Variants in LIPC observed in about 807,000 individuals in gnomAD.
The protein encoded by LIPC is hepatic triacylglycerol lipase.
Under a neutral mutation model 50.7 loss-of-function variants are expected in LIPC, and 44 were observed. That is an observed-to-expected ratio of 0.87 (90% confidence interval 0.68 to 1.11). LIPC has a LOEUF of 1.11. Among genes scored for constraint, LIPC ranks in the 50% most tolerant of loss-of-function variants. The pLI is 0.00. For synonymous variants in LIPC, 271 were observed against 256.4 expected, an observed-to-expected ratio of 1.06 and a Z score of -0.54; for missense variants, 697 against 648.2, an observed-to-expected ratio of 1.08 and a Z score of -0.82.
At chr15:58,463,165 T>A (rs62001834) in intron 1 of LIPC, among the ~76,000 whole-genome samples, 7,647 of 152,278 alleles carry the variant, frequency 0.05, 291 homozygotes, top group Non-Finnish European at 0.076. Context: ...CACGTTGGGA[T>A]GGTGTTTGCC....
chr15:58,541,914 C>A lies in LIPC; in HGVS notation c.403C>A (p.Arg135Ser). 1 of 1,611,824 alleles carries A rather than the reference C, an allele frequency of 6.2e-7. No homozygotes were observed. Among genetic ancestry groups the A allele is most frequent in the South Asian group, 1.1e-5 (1 of 90,928 alleles). ...CCACGACCACTACACCATCGCCGTC[C>A]GCAACACCCGCCTTGTGGGCAAGGA... ...LAHDHYTIAV[R>S]NTRLVGKEVA... Residue 135 changes from arginine (R) to serine (S), a missense_variant, in exon 3 of 9, where the codon CGC becomes AGC. Physicochemically the swap from Arg to Ser is moderately radical, Grantham distance 110. Transcript: ENST00000299022.
intron 1 of LIPC, among the ~76,000 whole-genome samples, chr15:58,500,033 G>A (rs1185298228): frequency 6.6e-6 from 1 of 152,144 alleles, no homozygotes; most frequent in Non-Finnish European, 1.5e-5. Flanking sequence ...GCAGAGACAG[G>A]ACAAAGTAAA....
chr15:58,499,407 CAGGCCCTAAACT>C (rs1891893641), intron 1 of LIPC, among the ~76,000 whole-genome samples: 1 of 152,206 alleles, frequency 6.6e-6, no homozygotes, highest in Non-Finnish European at 1.5e-5. Context: ...TCCAATCTCC[CAGGCCCTAAACT>C]AGGATTCTTT....
At chr15:58,501,165 T>C (rs1384074241) in intron 1 of LIPC, among the ~76,000 whole-genome samples, 1 of 152,068 alleles carries the variant, frequency 6.6e-6, no homozygotes, top group Non-Finnish European at 1.5e-5. Flanking sequence ...TCTGCGTCTC[T>C]ACAACCGCAC....
intron 5 of LIPC, among the ~76,000 whole-genome samples, chr15:58,547,809 A>C (rs1178496011): frequency 6.6e-6 from 1 of 152,020 alleles, no homozygotes. Context: ...CAAGGTAGAC[A>C]TTGTCGAGAG....
intron 1 of LIPC, among the ~76,000 whole-genome samples, chr15:58,504,274 C>T (rs1475947228): frequency 6.6e-6 from 1 of 152,224 alleles, no homozygotes; most frequent in Non-Finnish European, 1.5e-5. Flanking sequence ...GGAAAATAAA[C>T]AGGCTGTTGT....
chr15:58,563,842 G>C (rs1894262114), intron 8 of LIPC, 119 bp downstream of exon 8: 16 of 850,696 alleles, frequency 1.9e-5, no homozygotes, highest in Non-Finnish European at 2.7e-5. Context: ...CCTAGTGATG[G>C]AGTACAGAAG....
intron 1 of LIPC, among the ~76,000 whole-genome samples, chr15:58,462,311 G>C (rs1566915653): frequency 6.6e-6 from 1 of 152,318 alleles, no homozygotes; most frequent in African/African-American, 2.4e-5. Context: ...ATGATTGATT[G>C]ATTGGATCAA....
intron 8 of LIPC, chr15:58,566,022 G>A: frequency 2.0e-6 from 2 of 985,044 alleles, no homozygotes; most frequent in Non-Finnish European, 1.2e-6. Flanking sequence ...TCCATCCCAG[G>A]GCTTCTCAAA....
intron 6 of LIPC, among the ~76,000 whole-genome samples, chr15:58,558,417 G>C (rs1280236009): frequency 6.6e-6 from 1 of 152,110 alleles, no homozygotes; most frequent in Non-Finnish European, 1.5e-5. Context: ...TGTCTTGAGG[G>C]CATCACATTG....
At position 58,530,365 on chromosome 15, in the gene LIPC, C is replaced by G. The variant is rs1447779071; in HGVS notation, c.89-7968C>G. Reference sequence around the variant, plus strand: ...TTCAAAGTCAGTCCTGGAGTTATGTCTGCCAATTGACCCCAACCTCCAGAA... The same window carrying G: ...TTCAAAGTCAGTCCTGGAGTTATGTGTGCCAATTGACCCCAACCTCCAGAA... On this transcript the variant is annotated intron_variant, in intron 1 of 8. Coordinates refer to ENST00000299022, the MANE Select transcript of LIPC (RefSeq NM_000236.3). Among the ~76,000 whole-genome samples, 18 of 152,242 alleles carry G rather than the reference C, an allele frequency of 1.2e-4. 1 individual carries two copies. The highest frequency in any genetic ancestry group is 1.2e-3 in the Admixed American group (18 of 15,282).
At chr15:58,566,203 G>A (rs1453701683) in intron 8 of LIPC, 22 of 985,238 alleles carry the variant, frequency 2.2e-5, no homozygotes, top group Admixed American at 1.2e-4. Flanking sequence ...TACACAACCC[G>A]GGAAGTGTAA....
At chr15:58,476,652 G>A (rs1367496002) in intron 1 of LIPC, among the ~76,000 whole-genome samples, 1 of 152,222 alleles carries the variant, frequency 6.6e-6, no homozygotes, top group Non-Finnish European at 1.5e-5. Flanking sequence ...TGGTGCCACA[G>A]AAAAAACGTG....
At chr15:58,554,667 G>A (rs1433896500) in intron 6 of LIPC, among the ~76,000 whole-genome samples, 1 of 152,030 alleles carries the variant, frequency 6.6e-6, no homozygotes, top group Non-Finnish European at 1.5e-5. Context: ...GGCCAATGCA[G>A]GAGGATTGTG....
intron 6 of LIPC, among the ~76,000 whole-genome samples, chr15:58,557,967 G>C (rs1278326315): frequency 6.6e-6 from 1 of 152,122 alleles, no homozygotes; most frequent in Non-Finnish European, 1.5e-5. Flanking sequence ...AATAGTGTAA[G>C]ACCTCTCCAG....
chr15:58,515,122 G>T (rs987914111), intron 1 of LIPC, among the ~76,000 whole-genome samples: 2 of 152,074 alleles, frequency 1.3e-5, no homozygotes, highest in Non-Finnish European at 2.9e-5. Context: ...TAAGCCTCTT[G>T]CCTCTTTCTT....
At chr15:58,509,294 T>C (rs1240514436) in intron 1 of LIPC, among the ~76,000 whole-genome samples, 2 of 152,214 alleles carry the variant, frequency 1.3e-5, no homozygotes, top group African/African-American at 2.4e-5. Context: ...TCTTCCTAAA[T>C]GTTCATTAAC....
chr15:58,511,132 CTA>C (rs1180398145), intron 1 of LIPC, among the ~76,000 whole-genome samples: 1 of 152,194 alleles, frequency 6.6e-6, no homozygotes, highest in African/African-American at 2.4e-5. Flanking sequence ...ACTCTACATC[CTA>C]TGTTTTTCTT....
chr15:58,510,578 G>A (rs1207341270), intron 1 of LIPC, among the ~76,000 whole-genome samples: 1 of 152,198 alleles, frequency 6.6e-6, no homozygotes, highest in Non-Finnish European at 1.5e-5. Flanking sequence ...CAAGAGGATT[G>A]CCCATCAGGC....
Sources: gnomAD v4.1 joint callset for allele counts (sites outside exome capture counted in the v4.1 genomes callset) on GRCh38, gnomAD v4.1.1 for gene constraint, MANE v1.5 for transcripts, NCBI Gene and HGNC (gene_info 2026-07-23, HGNC 2026-07-21) for gene names.